LINGO2: variants seen among roughly 807,000 people sequenced by gnomAD.
LINGO2 encodes leucine-rich repeat and immunoglobulin-like domain-containing nogo receptor-interacting protein 2.
In LINGO2, 14 loss-of-function variants were observed where a neutral mutation model predicts 30.6. The observed-to-expected ratio is 0.46, with a 90% CI of 0.30 to 0.72. The LOEUF (loss-of-function observed/expected upper bound fraction) is 0.72, where lower values mean the gene tolerates loss of function less well. Ranked by LOEUF, LINGO2 falls within the 30% of genes least tolerant of loss-of-function variation. The pLI is 0.07. For synonymous variants in LINGO2, 317 were observed against 288.5 expected (o/e 1.10, Z -1.00); for missense variants, 729 against 751.7 (o/e 0.97, Z 0.35).
In LINGO2 at chr9:28,461,978, T is replaced by A. The variant is rs191052591; in HGVS notation, c.-279+13962A>T. On this transcript the variant is annotated intron_variant, in intron 2 of 5. Transcript: ENST00000379992. The stretch of plus-strand genomic sequence containing the variant: ...GAGAATCAGTGACTTAGTCTAATGT[T>A]ACAAACTGAGCAACCACAGAGCCAA... Among the ~76,000 whole-genome samples the A allele has an allele frequency of 1.1e-3, 163 of 152,262 alleles. 2 individuals are homozygous for A. The highest frequency in any genetic ancestry group is 3.8e-3 in the African/African-American group (158 of 41,576).
exon 6 of LINGO2, chr9:27,950,080 A>T (rs368494588): frequency 3.7e-6 from 6 of 1,613,986 alleles, no homozygotes; most frequent in Non-Finnish European, 4.2e-6. Context: ...CGGAGGTGGG[A>T]GAGGGCTTCT....
intron 1 of LINGO2, among the ~76,000 whole-genome samples, chr9:28,617,531 G>T (rs1196529174): frequency 6.6e-6 from 1 of 151,964 alleles, no homozygotes; most frequent in Non-Finnish European, 1.5e-5. Flanking sequence ...TCCTGACCTC[G>T]TGATCCGCCC....
the LINGO2 span, among the ~76,000 whole-genome samples, chr9:28,726,778 A>G: frequency 2.0e-5 from 3 of 152,224 alleles, no homozygotes; most frequent in African/African-American, 7.2e-5. Flanking sequence ...CCATGATGAT[A>G]TACATCTAAA....
At chr9:29,117,461 A>G in the LINGO2 span, among the ~76,000 whole-genome samples, 1 of 152,214 alleles carries the variant, frequency 6.6e-6, no homozygotes, top group Non-Finnish European at 1.5e-5. Context: ...GCTCCAGCAT[A>G]TCACTGGTTT....
rs1264784449 is a variant in LINGO2, at chr9:28,291,580, T to C, written c.-87+3628A>G. Among the ~76,000 whole-genome samples the C allele has an allele frequency of 2.0e-5, 3 of 152,206 alleles. No homozygotes were observed. In the East Asian group the frequency reaches 5.8e-4, roughly 29 times the overall value. On this transcript the variant is annotated intron_variant, in intron 4 of 5. Transcript: ENST00000379992. The stretch of plus-strand genomic sequence containing the variant: ...ATGGAATAATACATATCTGAAATGA[T>C]TTTACAAATTTTATAGGCTTAACTG...
At chr9:28,937,888 G>A in the LINGO2 span, among the ~76,000 whole-genome samples, 13 of 152,030 alleles carry the variant, frequency 8.6e-5, no homozygotes, top group African/African-American at 2.9e-4. Context: ...CATCACCCAG[G>A]TATTAATCCT....
the LINGO2 span, among the ~76,000 whole-genome samples, chr9:28,956,021 A>G: frequency 1.3e-5 from 2 of 152,032 alleles, no homozygotes; most frequent in African/African-American, 4.8e-5. Flanking sequence ...ACAGAATGCT[A>G]TATTCACTGT....
intron 1 of LINGO2, among the ~76,000 whole-genome samples, chr9:28,542,971 A>C (rs531095136): frequency 2.0e-5 from 3 of 152,014 alleles, no homozygotes; most frequent in African/African-American, 7.2e-5. Context: ...TGTAGGGCAC[A>C]GAAAACAACA....
At chr9:28,949,901 G>A in the LINGO2 span, among the ~76,000 whole-genome samples, 1 of 152,040 alleles carries the variant, frequency 6.6e-6, no homozygotes, top group African/African-American at 2.4e-5. Flanking sequence ...GGATCCTGCA[G>A]CACATTAAAA....
chr9:28,861,241 A>AT, the LINGO2 span, among the ~76,000 whole-genome samples: 2 of 116,562 alleles, frequency 1.7e-5, no homozygotes, highest in Non-Finnish European at 3.3e-5. Context: ...TATAATATAT[A>AT]TTTTTTATAC....
At chr9:28,239,921 A>C (rs2133968418) in intron 4 of LINGO2, among the ~76,000 whole-genome samples, 1 of 152,338 alleles carries the variant, frequency 6.6e-6, no homozygotes, top group South Asian at 2.1e-4. Flanking sequence ...GAACTGATAA[A>C]CAAATTCAGT....
the LINGO2 span, among the ~76,000 whole-genome samples, chr9:28,949,225 A>G: frequency 6.6e-6 from 1 of 152,156 alleles, no homozygotes; most frequent in African/African-American, 2.4e-5. Context: ...AACTAATTCA[A>G]AAGCTAGCAG....
At chr9:28,077,789 AAGAGAAG>A (rs149554757) in intron 4 of LINGO2, among the ~76,000 whole-genome samples, 14,032 of 148,754 alleles carry the variant, frequency 0.094, 1,624 homozygotes, top group African/African-American at 0.16. Context: ...TAAAAAAAGA[AAGAGAAG>A]AAAGAAGAAA....
At chr9:28,365,192 G>C (rs771420151) in intron 3 of LINGO2, among the ~76,000 whole-genome samples, 12 of 152,060 alleles carry the variant, frequency 7.9e-5, no homozygotes, top group Non-Finnish European at 1.8e-4. Context: ...GAGAGAGTGG[G>C]AGAGGGATGA....
intron 2 of LINGO2, among the ~76,000 whole-genome samples, chr9:28,386,857 TAAG>T (rs1236537719): frequency 8.5e-5 from 13 of 152,214 alleles, no homozygotes; most frequent in Non-Finnish European, 1.8e-4. Context: ...TATATGGGAA[TAAG>T]AAGAATATCA....
rs1407384313 is a variant in LINGO2, at chr9:28,190,397, C to T, written c.-87+104811G>A. Among the ~76,000 whole-genome samples the T allele has an allele frequency of 2.6e-5, 4 of 152,138 alleles. No individual in the cohort carries two copies. The East Asian group carries it at 7.7e-4, about 29-fold the overall frequency. The stretch of plus-strand genomic sequence containing the variant: ...GCAATGAACCGAATATTTTTGTTCC[C>T]CACAAAAATTTACATGTTGAAATCC... On this transcript the variant is annotated intron_variant, in intron 4 of 5. Coordinates refer to ENST00000379992, the Ensembl canonical transcript of LINGO2.
At chr9:28,375,251 C>T (rs1283768738) in intron 2 of LINGO2, among the ~76,000 whole-genome samples, 2 of 152,144 alleles carry the variant, frequency 1.3e-5, no homozygotes, top group African/African-American at 4.8e-5. Context: ...AGCTGTCCAA[C>T]CTAATAGCAA....
intron 1 of LINGO2, among the ~76,000 whole-genome samples, chr9:28,490,282 A>C (rs1023952120): frequency 6.6e-6 from 1 of 152,206 alleles, no homozygotes; most frequent in Non-Finnish European, 1.5e-5. Context: ...AGGCTTAGAA[A>C]TATTGAATAA....
At chr9:28,186,988 T>C (rs962107953) in intron 4 of LINGO2, among the ~76,000 whole-genome samples, 5 of 152,066 alleles carry the variant, frequency 3.3e-5, no homozygotes, top group Admixed American at 3.3e-4. Context: ...CTCACTTATA[T>C]TTAAACAAGA....
Sources: gnomAD v4.1 joint callset for allele counts (sites outside exome capture counted in the v4.1 genomes callset) on GRCh38, gnomAD v4.1.1 for gene constraint, MANE v1.5 for transcripts, NCBI Gene and HGNC (gene_info 2026-07-23, HGNC 2026-07-21) for gene names.